Variants in AGBL3 observed in about 807,000 individuals in gnomAD.
AGBL3 encodes AGBL carboxypeptidase 3.
AGBL3 carries 68 observed loss-of-function variants against 94.5 expected under a neutral mutation model. That is an observed-to-expected ratio of 0.72 (90% CI 0.59 to 0.88). AGBL3 has a LOEUF of 0.88. AGBL3 is among the 40% of genes least tolerant of loss of function. AGBL3 has a pLI of 0.00. For missense variants in AGBL3, 934 were observed against 1,103.8 expected (o/e 0.85, Z 2.18); for synonymous variants, 354 against 370.7 (o/e 0.95, Z 0.52).
intron 5 of AGBL3, among the ~76,000 whole-genome samples, chr7:135,025,317 T>A (rs1814968217): frequency 6.6e-6 from 1 of 151,502 alleles, no homozygotes; most frequent in South Asian, 2.1e-4. Context: ...ATTTTCAGCA[T>A]CCCTAAAGAA....
intron 15 of AGBL3, among the ~76,000 whole-genome samples, chr7:135,098,997 T>C (rs1246006834): frequency 1.3e-5 from 2 of 152,196 alleles, no homozygotes; most frequent in African/African-American, 4.8e-5. Context: ...TGTTCTACTA[T>C]TACTACTAAT....
intron 4 of AGBL3, among the ~76,000 whole-genome samples, chr7:135,002,766 A>G (rs1730683444): frequency 6.6e-6 from 1 of 152,170 alleles, no homozygotes; most frequent in Admixed American, 6.5e-5. Context: ...TTAATCACTC[A>G]TTCTGGTTTT....
intron 8 of AGBL3, among the ~76,000 whole-genome samples, chr7:135,038,441 A>G (rs1013117346): frequency 6.6e-6 from 1 of 152,178 alleles, no homozygotes. Context: ...ATAGTTTATT[A>G]CTCCTATAAA....
intron 16 of AGBL3, among the ~76,000 whole-genome samples, chr7:135,121,722 T>C (rs1187258541): frequency 1.3e-5 from 2 of 152,208 alleles, no homozygotes; most frequent in East Asian, 3.9e-4. Flanking sequence ...GGTTCTCTCA[T>C]CAGAACTGAC....
Position 134,987,933 on chromosome 7 carries a change from G to T in AGBL3, c.-1G>T. The T allele has an allele frequency of 6.5e-7, 1 of 1,547,290 alleles. No individual in the cohort carries two copies. The highest frequency in any genetic ancestry group is 8.7e-7 in the Non-Finnish European group (1 of 1,145,166). On this transcript the variant is annotated 5_prime_UTR_variant, in exon 2 of 17. Coordinates refer to ENST00000436302, the MANE Select transcript of AGBL3 (RefSeq NM_178563.4). ...AAATCTCAAGTCAAACACTGGAAAA[G>T]ATGTCAGAAGATTCAGAAAAGGAAG...
chr7:135,026,826 A>C (rs879673098), intron 5 of AGBL3, among the ~76,000 whole-genome samples: 3 of 151,594 alleles, frequency 2.0e-5, no homozygotes, highest in Non-Finnish European at 4.4e-5. Context: ...GTGGTTTGAC[A>C]GTCTGCATTT....
At chr7:135,103,639 T>C (rs1290921184) in intron 15 of AGBL3, among the ~76,000 whole-genome samples, 1 of 152,182 alleles carries the variant, frequency 6.6e-6, no homozygotes, top group Non-Finnish European at 1.5e-5. Context: ...TTTCACATTC[T>C]ATCTCAGTAG....
intron 16 of AGBL3, among the ~76,000 whole-genome samples, chr7:135,131,362 A>G: frequency 6.6e-6 from 1 of 152,130 alleles, no homozygotes; most frequent in East Asian, 1.9e-4. Flanking sequence ...CAATAGGTGC[A>G]GCAAACCACC....
intron 14 of AGBL3, among the ~76,000 whole-genome samples, chr7:135,080,934 A>G (rs1563246274): frequency 1.7e-5 from 1 of 57,900 alleles, no homozygotes; most frequent in Non-Finnish European, 4.2e-5. Context: ...ATTTGAGGTA[A>G]CCTAATTACA....
chr7:135,065,205 G>A, intron 12 of AGBL3, among the ~76,000 whole-genome samples: 1 of 152,182 alleles, frequency 6.6e-6, no homozygotes, highest in Non-Finnish European at 1.5e-5. Flanking sequence ...TAAATGGAAA[G>A]TATTTTGTGT....
At chr7:135,075,199 T>G (rs1363211374) in intron 12 of AGBL3, among the ~76,000 whole-genome samples, 1 of 152,178 alleles carries the variant, frequency 6.6e-6, no homozygotes, top group Non-Finnish European at 1.5e-5. Context: ...ATTGCCCTCT[T>G]AAAGCCATAC....
chr7:135,032,973 T>C lies in AGBL3; in HGVS notation c.548T>C (p.Val183Ala). ...TTTGAGAGTGGTAATCTACAGAAGG[T>C]AGTCAAAGTGTAGGTTCTAATTATT... Reference protein sequence around the residue: ...ARFESGNLQKVVKVAEYEYQL... With the variant: ...ARFESGNLQKAVKVAEYEYQL... Residue 183 changes from valine (V) to alanine (A), a missense_variant, in exon 6 of 17, where the codon GTA becomes GCA. Physicochemically the swap from Val to Ala is moderately conservative, Grantham distance 64. Around this residue, in one of 3 missense-constraint regions of AGBL3, gnomAD observed 488 missense variants for 563.6 expected, o/e 0.87. Transcript: ENST00000436302. 5.8e-6 allele frequency: 9 copies of C among 1,548,096 alleles called. No individual in the cohort carries two copies. The highest frequency in any genetic ancestry group is 3.6e-5 in the South Asian group (3 of 83,204).
At chr7:135,055,347 T>C (rs1818248822) in intron 11 of AGBL3, among the ~76,000 whole-genome samples, 1 of 152,302 alleles carries the variant, frequency 6.6e-6, no homozygotes, top group Non-Finnish European at 1.5e-5. Flanking sequence ...AAGACATCCT[T>C]ATCCTGTCCT....
intron 15 of AGBL3, among the ~76,000 whole-genome samples, chr7:135,097,405 T>C (rs1396724056): frequency 6.6e-6 from 1 of 152,196 alleles, no homozygotes; most frequent in African/African-American, 2.4e-5. Context: ...TTGATTTCTA[T>C]GAATATTTTA....
intron 12 of AGBL3, among the ~76,000 whole-genome samples, chr7:135,073,637 C>T (rs1157943494): frequency 6.6e-6 from 1 of 152,084 alleles, no homozygotes; most frequent in Non-Finnish European, 1.5e-5. Flanking sequence ...AAGAGCCGAG[C>T]TCCCCGAGTG....
intron 4 of AGBL3, chr7:134,995,672 TC>T (rs1356560641): frequency 1.3e-5 from 2 of 152,218 alleles, no homozygotes; most frequent in Admixed American, 6.5e-5. Flanking sequence ...GCCCTGTGAA[TC>T]CAGCCTCCAC....
chr7:135,072,414 G>A (rs1270524494), intron 12 of AGBL3, among the ~76,000 whole-genome samples: 6 of 152,218 alleles, frequency 3.9e-5, no homozygotes, highest in African/African-American at 7.2e-5. Flanking sequence ...CCATTACTGG[G>A]TATATACCCA....
rs963686153 is a variant in AGBL3, at chr7:135,115,620, A to G, written c.2342+9A>G. On this transcript the variant is annotated intron_variant, in intron 16 of 16. Coordinates refer to ENST00000436302, the MANE Select transcript of AGBL3 (RefSeq NM_178563.4). ...TTCCAAATCCAACATCAGTAAGTCA[A>G]TACAATTTTATCACTCTTATCTATT... 6.6e-7 allele frequency: 1 copy of G among 1,517,714 alleles called. No individual in the cohort carries two copies. Among genetic ancestry groups the G allele is most frequent in the Non-Finnish European group, 8.9e-7 (1 of 1,118,468 alleles). 94.0% of individuals were successfully genotyped at this position (1,517,714 alleles called of 1,614,324 possible).
intron 5 of AGBL3, among the ~76,000 whole-genome samples, chr7:135,027,745 T>G (rs1815304566): frequency 6.6e-6 from 1 of 151,670 alleles, no homozygotes; most frequent in South Asian, 2.1e-4. Context: ...AGAATGTAGT[T>G]AAACAAGAAT....
Sources: gnomAD v4.1 joint callset for allele counts (sites outside exome capture counted in the v4.1 genomes callset) on GRCh38, gnomAD v4.1.1 for gene constraint, gnomAD v4.1.1 regional missense constraint, MANE v1.5 for transcripts, NCBI Gene and HGNC (gene_info 2026-07-23, HGNC 2026-07-21) for gene names.